Variants in TTC21A observed in about 807,000 individuals in gnomAD.
TTC21A encodes the protein tetratricopeptide repeat domain 21A, also known as tetratricopeptide repeat protein 21A.
In TTC21A, 128 loss-of-function variants were observed where a neutral mutation model predicts 156.4. That is an observed-to-expected ratio of 0.82 (90% CI 0.71 to 0.95). The LOEUF (loss-of-function observed/expected upper bound fraction) is 0.95. Ranked by LOEUF, TTC21A falls within the 40% of genes least tolerant of loss-of-function variation. TTC21A has a pLI of 0.00. For missense variants in TTC21A, 1,435 were observed against 1,602.3 expected (o/e 0.90, Z 1.78); for synonymous variants, 587 against 617.1 (o/e 0.95, Z 0.72).
Position 39,133,166 on chromosome 3 carries a change from C to G in TTC21A, c.2677C>G (p.Leu893Val). ...SICIQFAEHYLAEKEYDKAVQ... is the reference protein window; with the variant it reads ...SICIQFAEHYVAEKEYDKAVQ... ...CTGCATCCAATTTGCAGAGCACTAC[C>G]TGGCAGAGAAAGAGTATGACAAGGC... The change falls in exon 20 of 29, where the codon CTG becomes GTG. Residue 893 changes from leucine (L) to valine (V), a missense_variant. Physicochemically the swap from Leu to Val is conservative, Grantham distance 32 (BLOSUM62 1). Transcript: ENST00000683103. 1 of 1,614,232 alleles carries G rather than the reference C, an allele frequency of 6.2e-7. No individual in the cohort carries two copies. Among genetic ancestry groups the G allele is most frequent in the Admixed American group, 1.7e-5 (1 of 60,030 alleles).
rs1435166591 is a variant in TTC21A, at chr3:39,128,379, A to T, written c.1571A>T (p.Asp524Val). The change falls in exon 13 of 29, where the codon GAC becomes GTC. Residue 524 changes from aspartate (D) to valine (V), a missense_variant. Asp to Val is a radical substitution (Grantham distance 152). Transcript: ENST00000683103. ...ATCCTGCAGCGTTGCCTGGAGCTGG[A>T]CCCCGCCTCCGTGGATGCCCATCTC... is the stretch of plus-strand genomic sequence containing the variant. ...QSILQRCLEL[D>V]PASVDAHLLM... The T allele has an allele frequency of 6.2e-7, 1 of 1,614,084 alleles. No individual in the cohort carries two copies. The highest frequency in any genetic ancestry group is 1.1e-5 in the South Asian group (1 of 91,066).
chr3:39,123,510 T>C (rs963883518), intron 9 of TTC21A, among the ~76,000 whole-genome samples: 1 of 152,168 alleles, frequency 6.6e-6, no homozygotes, highest in African/African-American at 2.4e-5. Context: ...TACCCTGCTA[T>C]CCATTATGAA....
Position 39,125,104 on chromosome 3 carries a change from GC to G in TTC21A, c.1136del (p.Ala379ValfsTer8). ...CHILEGHLEE[A>X]EYRLEFLKEV... is the part of the protein sequence containing the mutation. ...TATCTTAGAAGGCCACCTGGAGGAA[GC>G]TGAGTACCGGCTGGAATTCCTGAAG... On this transcript the variant is annotated frameshift_variant, in exon 10 of 29. Coordinates refer to ENST00000683103, the MANE Select transcript of TTC21A (RefSeq NM_001366900.1). LOFTEE classifies it high-confidence loss of function. 1 of 1,614,116 alleles carries G rather than the reference GC, an allele frequency of 6.2e-7. No homozygotes were observed. The highest frequency in any genetic ancestry group is 8.5e-7 in the Non-Finnish European group (1 of 1,180,012).
intron 22 of TTC21A, among the ~76,000 whole-genome samples, chr3:39,135,973 G>T (rs1483930565): frequency 1.3e-5 from 2 of 151,538 alleles, no homozygotes; most frequent in Non-Finnish European, 2.9e-5. Context: ...CAGGAAAATG[G>T]CATGAACCCA....
At position 39,120,032 on chromosome 3, in the gene TTC21A, C is replaced by T; in HGVS notation, c.900+12C>T. The stretch of plus-strand genomic sequence containing the variant: ...TGGTTAGCCGACTGGTAAGAAGGTT[C>T]TTTCCTGGTTCTGAAATGGTGCTTC... On this transcript the variant is annotated intron_variant, in intron 8 of 28. Coordinates refer to ENST00000683103, the MANE Select transcript of TTC21A (RefSeq NM_001366900.1). The T allele has an allele frequency of 6.4e-7, 1 of 1,563,106 alleles. No individual in the cohort carries two copies. Among genetic ancestry groups the T allele is most frequent in the Non-Finnish European group, 8.8e-7 (1 of 1,135,914 alleles).
Position 39,121,311 on chromosome 3 carries a change from A to G in TTC21A, c.1093+122A>G, listed in dbSNP as rs953334747. ...TTGAAGGGTATGTGAATTTTGGGGT[A>G]CAATGTATGATGGGGTATCTTTCTG... On this transcript the variant is annotated intron_variant, in intron 9 of 28. Transcript: ENST00000683103. 7 of 806,382 alleles carry G rather than the reference A, an allele frequency of 8.7e-6. No individual in the cohort carries two copies. The African/African-American group carries it at 1.2e-4, about 14-fold the overall frequency. 50.0% of individuals were successfully genotyped at this position (806,382 alleles called of 1,614,324 possible).
intron 19 of TTC21A, among the ~76,000 whole-genome samples, chr3:39,132,408 C>G (rs1372736149): frequency 6.6e-6 from 1 of 152,176 alleles, no homozygotes; most frequent in Non-Finnish European, 1.5e-5. Flanking sequence ...ACGTTTTTCC[C>G]CCCAGGGGTG....
chr3:39,130,955 C>A lies in TTC21A; in HGVS notation c.2459-37C>A, dbSNP rs773388815. ...CCCACCAACACAGCTTCCCAGGAGCCAGTGAACTAACACTAATTTGAGTTT... is the reference window on the plus strand; with the variant it reads ...CCCACCAACACAGCTTCCCAGGAGCAAGTGAACTAACACTAATTTGAGTTT... On this transcript the variant is annotated intron_variant, in intron 18 of 28. Coordinates refer to ENST00000683103, the MANE Select transcript of TTC21A (RefSeq NM_001366900.1). This position sits in a 1 kb window ranked among gnomAD's most constrained non-coding sequence, Gnocchi z 4.5. The A allele has an allele frequency of 1.2e-6, 2 of 1,608,584 alleles. No homozygotes were observed. The highest frequency in any genetic ancestry group is 4.5e-5 in the East Asian group (2 of 44,808).
Position 39,136,692 on chromosome 3 carries a change from T to C in TTC21A, c.3095+185T>C, listed in dbSNP as rs2039140429. ...GAAGTCAGGGAGAGCCTGCAGCCTCTGGATGGAGGCCAGGTGAGGGCCACT... is the reference window on the plus strand; with the variant it reads ...GAAGTCAGGGAGAGCCTGCAGCCTCCGGATGGAGGCCAGGTGAGGGCCACT... On this transcript the variant is annotated intron_variant, in intron 23 of 28. Coordinates refer to ENST00000683103, the MANE Select transcript of TTC21A (RefSeq NM_001366900.1). The C allele has an allele frequency of 6.1e-6, 6 of 984,036 alleles. No individual in the cohort carries two copies. In the East Asian group the frequency reaches 1.6e-4, roughly 25 times the overall value. 61.0% of individuals were successfully genotyped at this position (984,036 alleles called of 1,614,324 possible). A position where few individuals can be genotyped will look rare whatever the true frequency, so the allele number is the denominator to read the frequency against.
rs2039292995 is a variant in TTC21A at position 39,138,345 on chromosome 3, A to G, written c.3754A>G (p.Lys1252Glu). 6.2e-7 allele frequency: 1 copy of G among 1,614,132 alleles called. No homozygotes were observed. Among genetic ancestry groups the G allele is most frequent in the South Asian group, 1.1e-5 (1 of 91,078 alleles). The change falls in exon 27 of 29, where the codon AAA becomes GAA. Residue 1252 changes from lysine to glutamate, a missense_variant. Transcript: ENST00000683103. ...QSYKDAVTNY[K>E]LAWKYSHHAN... ...CTACAAGGATGCAGTCACCAACTAC[A>G]AACTGGCCTGGAAGTACAGTCATCA...
rs2039304011 is a variant in TTC21A at position 39,138,462 on chromosome 3, A to G, written c.3796+75A>G. 1.9e-6 allele frequency: 3 copies of G among 1,613,430 alleles called. No individual in the cohort carries two copies. In the South Asian group the frequency reaches 3.3e-5, roughly 18 times the overall value. Reference sequence around the variant, plus strand: ...GCAGGAGGGCCCCCACCATGACCCCAGAACTCAAGGCCTGTACCCTGGCTG... The same window carrying G: ...GCAGGAGGGCCCCCACCATGACCCCGGAACTCAAGGCCTGTACCCTGGCTG... On this transcript the variant is annotated intron_variant, in intron 27 of 28. Coordinates refer to ENST00000683103, the MANE Select transcript of TTC21A (RefSeq NM_001366900.1).
At chr3:39,109,016 A>G in intron 1 of TTC21A, 69 bp from the exon 2 acceptor site, 1 of 1,551,294 alleles carries the variant, frequency 6.4e-7, no homozygotes, top group Non-Finnish European at 8.8e-7. Context: ...AGCAGGTCTC[A>G]TCCCATCTGG....
At chr3:39,131,235 C>G in intron 19 of TTC21A, 140 bp downstream of exon 19, 1 of 630,708 alleles carries the variant, frequency 1.6e-6, no homozygotes, top group Non-Finnish European at 2.7e-6. Flanking sequence ...CTGACATCCA[C>G]CTTCACTTAT....
At position 39,138,387 on chromosome 3, in the gene TTC21A, G is replaced by A. The variant is rs975370324; in HGVS notation, c.3796G>A (p.Gly1266Ser). Reference protein sequence around the residue: ...KYSHHANPAIGFKLAFNYLKD... With the variant: ...KYSHHANPAISFKLAFNYLKD... ...CAGTCATCACGCCAACCCTGCCATT[G>A]GTAAGGCAACCAGCCAGGGTGCACG... The change falls in exon 27 of 29, where the codon GGC becomes AGC. Residue 1266 changes from glycine (G) to serine (S), a missense_variant and splice_region_variant. Coordinates refer to ENST00000683103, the MANE Select transcript of TTC21A (RefSeq NM_001366900.1). 1.2e-5 allele frequency: 20 copies of A among 1,614,042 alleles called. No homozygotes were observed. The highest frequency in any genetic ancestry group is 1.7e-5 in the Non-Finnish European group (20 of 1,179,942).
Position 39,118,115 on chromosome 3 carries a change from A to G in TTC21A, c.763A>G (p.Thr255Ala). The G allele has an allele frequency of 9.3e-6, 15 of 1,614,194 alleles. No individual in the cohort carries two copies. Among genetic ancestry groups the G allele is most frequent in the Non-Finnish European group, 1.3e-5 (15 of 1,180,012 alleles). Residue 255 changes from threonine (T) to alanine (A), a missense_variant, in exon 7 of 29, where the codon ACC (threonine) becomes GCC (alanine). Thr to Ala is a moderately conservative substitution (Grantham distance 58). Transcript: ENST00000683103. ...CAATATTGATGCCTGCCAAATTCTAACCGTGCATGAGCTTGCAAGAGAAGG... is the reference window on the plus strand; with the variant it reads ...CAATATTGATGCCTGCCAAATTCTAGCCGTGCATGAGCTTGCAAGAGAAGG... ...ESNIDACQIL[T>A]VHELAREGNM...
intron 2 of TTC21A, 42 bp downstream of exon 2, chr3:39,109,256 G>C (rs915942760): frequency 1.9e-6 from 3 of 1,594,514 alleles, no homozygotes; most frequent in Admixed American, 3.4e-5. Flanking sequence ...CCAGGCACTA[G>C]CTGGGCCCTA....
Position 39,114,701 on chromosome 3 carries a change from A to T in TTC21A, c.675A>T (p.Leu225Phe). The T allele has an allele frequency of 6.2e-7, 1 of 1,614,266 alleles. No individual in the cohort carries two copies. Among genetic ancestry groups the T allele is most frequent in the Admixed American group, 1.7e-5 (1 of 60,030 alleles). The change falls in exon 6 of 29, where the codon TTA becomes TTT. Residue 225 changes from leucine (L) to phenylalanine (F), a missense_variant. Transcript: ENST00000683103. ...PALVLKMQLF[L>F]ARQDWEQTVE... is the part of the protein sequence containing the mutation. The stretch of plus-strand genomic sequence containing the variant: ...TCGTCCTGAAGATGCAGCTGTTCTT[A>T]GCTCGGCAGGACTGGGAGCAGACAG...
rs1211938053 is a variant in TTC21A, at chr3:39,128,318, G to A, written c.1523-13G>A. On this transcript the variant is annotated splice_polypyrimidine_tract_variant and intron_variant, in intron 12 of 28. Coordinates refer to ENST00000683103, the MANE Select transcript of TTC21A (RefSeq NM_001366900.1). Reference sequence around the variant, plus strand: ...GGGAACCCTGCATGTAGAGGTTTGTGTATTATTTCTAGGAGAGCTAGAGAA... The same window carrying A: ...GGGAACCCTGCATGTAGAGGTTTGTATATTATTTCTAGGAGAGCTAGAGAA... 1.2e-6 allele frequency: 2 copies of A among 1,613,552 alleles called. No homozygotes were observed. The highest frequency in any genetic ancestry group is 8.5e-7 in the Non-Finnish European group (1 of 1,179,704).
rs375015655 is a variant in TTC21A, at chr3:39,128,837, G to C, written c.1801G>C (p.Glu601Gln). ...CAAATTGCCAGCTCTGAAGAAGGAA[G>C]AAGGCAGAAAGTTCCTCAGGCCCTC... is the stretch of plus-strand genomic sequence containing the variant. ...VIKLPALKKEEGRKFLRPSVQ... is the reference protein window; with the variant it reads ...VIKLPALKKEQGRKFLRPSVQ... Residue 601 changes from glutamate (E) to glutamine (Q), a missense_variant, in exon 14 of 29, where the codon GAA (glutamate) becomes CAA (glutamine). Physicochemically the swap from Glu to Gln is conservative, Grantham distance 29. Coordinates refer to ENST00000683103, the MANE Select transcript of TTC21A (RefSeq NM_001366900.1). 39 of 1,614,086 alleles carry C rather than the reference G, an allele frequency of 2.4e-5. No homozygotes were observed. Among genetic ancestry groups the C allele is most frequent in the Non-Finnish European group, 2.9e-5 (34 of 1,180,050 alleles).
Sources: gnomAD v4.1 joint callset for allele counts (sites outside exome capture counted in the v4.1 genomes callset) on GRCh38, gnomAD v4.1.1 for gene constraint, Gnocchi (gnomAD v3.1) non-coding constraint, MANE v1.5 for transcripts, NCBI Gene and HGNC (gene_info 2026-07-23, HGNC 2026-07-21) for gene names.